The following BRAF variants were observed in gnomAD, a reference collection of about 807,000 sequenced individuals.
The protein encoded by BRAF is serine/threonine-protein kinase B-raf.
In BRAF, 16 loss-of-function variants were observed where a neutral mutation model predicts 104.6. The observed-to-expected ratio is 0.15, with a 90% CI of 0.10 to 0.23. The LOEUF (loss-of-function observed/expected upper bound fraction) is 0.23, where lower values mean the gene tolerates loss of function less well. Among genes scored for constraint, BRAF ranks in the 10% least tolerant of loss-of-function variants. The probability of loss-of-function intolerance (pLI) is 1.00; values close to 1 mark genes in which losing one functional copy is unlikely to be tolerated. For synonymous variants in BRAF, 310 were observed against 341.6 expected, an observed-to-expected ratio of 0.91 and a Z score of 1.02; for missense variants, 541 against 937.3, an observed-to-expected ratio of 0.58 and a Z score of 5.52.
chr7:140,742,114 G>C (rs143818128), intron 17 of BRAF, among the ~76,000 whole-genome samples: 12 of 152,272 alleles, frequency 7.9e-5, no homozygotes, highest in African/African-American at 2.9e-4. Context: ...TAGGTCTATA[G>C]TCTTTAAATT....
Position 140,734,457 on chromosome 7 carries a change from C to G in BRAF, c.2401+160G>C. 11 of 1,561,330 alleles carry G rather than the reference C, an allele frequency of 7.0e-6. No homozygotes were observed. In the South Asian group the frequency reaches 1.3e-4, roughly 18 times the overall value. ...ATTTTAGTTTGGGGAAAAATTATAT[C>G]TAGTCTTTAACCACACAAGTGTTCT... is the stretch of plus-strand genomic sequence containing the variant. On this transcript the variant is annotated intron_variant, in intron 19 of 19. Coordinates refer to ENST00000644969, the MANE Select transcript of BRAF (RefSeq NM_001374258.1).
chr7:140,885,896 C>T (rs575338474), intron 1 of BRAF, among the ~76,000 whole-genome samples: 1 of 152,248 alleles, frequency 6.6e-6, no homozygotes, highest in African/African-American at 2.4e-5. Context: ...AGTAAACAAT[C>T]ATCAGTGGCA....
rs980573678 is a variant in BRAF, at chr7:140,756,839, A to G, written c.1815-2606T>C. ...TTCCTTGAAGAAAAAGTGTCCACCT[A>G]TAGAACCATTTAATCTTAGAGCTAC... On this transcript the variant is annotated intron_variant, in intron 14 of 19. Transcript: ENST00000644969. Among the ~76,000 whole-genome samples the G allele has an allele frequency of 2.0e-5, 3 of 152,340 alleles. No homozygotes were observed. The East Asian group carries it at 5.8e-4, about 29-fold the overall frequency.
chr7:140,836,493 G>A (rs1434260786), intron 2 of BRAF, among the ~76,000 whole-genome samples: 1 of 149,190 alleles, frequency 6.7e-6, no homozygotes, highest in Non-Finnish European at 1.5e-5. Context: ...AATAAGGGGG[G>A]CGGGGAATAG....
intron 17 of BRAF, among the ~76,000 whole-genome samples, chr7:140,746,069 A>G (rs1444492400): frequency 6.6e-6 from 1 of 152,190 alleles, no homozygotes; most frequent in Non-Finnish European, 1.5e-5. Flanking sequence ...ATACGGTGTG[A>G]AACAGGTAAG....
Position 140,828,156 on chromosome 7 carries a change from A to G in BRAF, c.504+6453T>C, listed in dbSNP as rs532239468. On this transcript the variant is annotated intron_variant, in intron 3 of 19. Coordinates refer to ENST00000644969, the MANE Select transcript of BRAF (RefSeq NM_001374258.1). ...GGTGATCCACTCCCCTCAGCCTCCC[A>G]TGCTGAGATTACAGGCATGAGCTAC... Among the ~76,000 whole-genome samples, 16 of 152,250 alleles carry G rather than the reference A, an allele frequency of 1.1e-4. No homozygotes were observed. The South Asian group carries it at 1.5e-3, about 14-fold the overall frequency.
At chr7:140,883,224 C>T (rs990902061) in intron 1 of BRAF, among the ~76,000 whole-genome samples, 2 of 152,080 alleles carry the variant, frequency 1.3e-5, no homozygotes, top group Non-Finnish European at 2.9e-5. Flanking sequence ...AACCTTGAAA[C>T]ATGGAATCAC....
At chr7:140,923,109 TAA>T (rs897392475) in intron 1 of BRAF, among the ~76,000 whole-genome samples, 3 of 151,836 alleles carry the variant, frequency 2.0e-5, no homozygotes, top group African/African-American at 4.8e-5. Context: ...AAAGATGATA[TAA>T]AGAGTAGAAA....
At chr7:140,734,567 T>C in intron 19 of BRAF, 1 of 1,613,712 alleles carries the variant, frequency 6.2e-7, no homozygotes, top group Non-Finnish European at 8.5e-7. Context: ...CTTTTGTTGC[T>C]ACTCTCCTGA....
Position 140,750,217 on chromosome 7 carries a change from C to T in BRAF, c.1981-799G>A, listed in dbSNP as rs562182099. ...CTGTATTGTTTCATTTGGAAGGAATCGAAATGGCAGTATATTAATGAAAAG... is the reference window on the plus strand; with the variant it reads ...CTGTATTGTTTCATTTGGAAGGAATTGAAATGGCAGTATATTAATGAAAAG... On this transcript the variant is annotated intron_variant, in intron 16 of 19. Coordinates refer to ENST00000644969, the MANE Select transcript of BRAF (RefSeq NM_001374258.1). Among the ~76,000 whole-genome samples the T allele has an allele frequency of 5.3e-5, 8 of 152,188 alleles. No individual in the cohort carries two copies. The East Asian group carries it at 5.8e-4, about 11-fold the overall frequency.
At chr7:140,910,764 T>C (rs1224497339) in intron 1 of BRAF, among the ~76,000 whole-genome samples, 3 of 152,066 alleles carry the variant, frequency 2.0e-5, no homozygotes. Context: ...AGCCGTGAAC[T>C]GGGTTCAAGC....
intron 19 of BRAF, chr7:140,733,947 A>T: frequency 1.0e-6 from 1 of 961,318 alleles, no homozygotes; most frequent in Non-Finnish European, 1.3e-6. Flanking sequence ...ATCCGAAGTT[A>T]AGACATTTTA....
intron 14 of BRAF, among the ~76,000 whole-genome samples, chr7:140,767,446 T>C (rs1799441999): frequency 1.3e-5 from 2 of 152,128 alleles, no homozygotes; most frequent in African/African-American, 4.8e-5. Flanking sequence ...TGGCTTTTAC[T>C]AGTGATAAGG....
chr7:140,812,160 C>CTGTG (rs201757515), intron 3 of BRAF, among the ~76,000 whole-genome samples: 2,348 of 140,590 alleles, frequency 0.017, 40 homozygotes, highest in African/African-American at 0.044. Context: ...GCATGCACAC[C>CTGTG]TGTGTGTGTG....
chr7:140,739,984 T>C (rs779495487), intron 17 of BRAF, 38 bp from the exon 17 acceptor site: 6 of 1,597,372 alleles, frequency 3.8e-6, no homozygotes, highest in South Asian at 2.2e-5. Context: ...TTCAACCTTG[T>C]AGATAAGTTG....
intron 19 of BRAF, 33 bp downstream of exon 18, chr7:140,730,632 G>C (rs1336907572): frequency 6.6e-6 from 1 of 151,856 alleles, no homozygotes; most frequent in Admixed American, 6.6e-5. Context: ...CCAAAGTGCT[G>C]GGATTACAGG....
chr7:140,776,805 G>T, intron 14 of BRAF, 107 bp downstream of exon 13: 1 of 1,092,126 alleles, frequency 9.2e-7, no homozygotes, highest in Non-Finnish European at 1.4e-6. Flanking sequence ...TTATGTTCCT[G>T]GACAGTAATT....
At chr7:140,753,492 G>A (rs1797954540) in intron 15 of BRAF, 99 bp from the exon 15 acceptor site, 1 of 779,200 alleles carries the variant, frequency 1.3e-6, no homozygotes, top group Non-Finnish European at 2.2e-6. Flanking sequence ...CTATAATTCT[G>A]TAATATAATA....
chr7:140,870,423 G>C (rs996953220), intron 1 of BRAF, among the ~76,000 whole-genome samples: 8 of 152,020 alleles, frequency 5.3e-5, no homozygotes, highest in African/African-American at 1.9e-4. Context: ...AAACTTTAAA[G>C]GAAAAACGCC....
Sources: allele counts gnomAD v4.1 joint callset (sites outside exome capture counted in the v4.1 genomes callset), GRCh38; gene constraint gnomAD v4.1.1; transcripts MANE v1.5; gene names NCBI Gene and HGNC (gene_info 2026-07-23, HGNC 2026-07-21).